The following BFAR variants were observed in gnomAD, a reference collection of about 807,000 sequenced individuals.
The protein encoded by BFAR is bifunctional apoptosis regulator, also known as RING finger protein 47.
BFAR carries 52 observed loss-of-function variants against 54.4 expected under a neutral mutation model. The observed-to-expected ratio is 0.96, with a 90% CI of 0.77 to 1.21. BFAR has a LOEUF of 1.21. Ranked by LOEUF, BFAR falls within the 50% of genes most tolerant of loss-of-function variation. The pLI, the probability that BFAR is intolerant of heterozygous loss-of-function variation, is 0.00. For missense variants in BFAR, 571 were observed against 534.0 expected, an observed-to-expected ratio of 1.07 and a Z score of -0.68; for synonymous variants, 215 against 204.3, an observed-to-expected ratio of 1.05 and a Z score of -0.45.
Position 14,644,292 on chromosome 16 carries a change from C to T in BFAR, c.-55C>T. ...TTTCTAGATTAATGATGTTTTGCAG[C>T]AGTTTTCTACGTCTGAAATTTTTTA... On this transcript the variant is annotated 5_prime_UTR_variant, in exon 2 of 8. The change creates a premature stop within an existing upstream ORF in the 5' untranslated region. Transcript: ENST00000261658. The T allele has an allele frequency of 6.6e-7, 1 of 1,524,120 alleles. No homozygotes were observed. Among genetic ancestry groups the T allele is most frequent in the South Asian group, 1.2e-5 (1 of 83,930 alleles). 94.4% of individuals were successfully genotyped at this position (1,524,120 alleles called of 1,614,324 possible).
chr16:14,639,070 CAG>C (rs1596964758), intron 1 of BFAR, among the ~76,000 whole-genome samples: 1 of 152,052 alleles, frequency 6.6e-6, no homozygotes, highest in African/African-American at 2.4e-5. Flanking sequence ...AAGAAGCAAA[CAG>C]GGTGCCACTG....
At chr16:14,665,298 C>A in intron 7 of BFAR, 9 of 520,212 alleles carry the variant, frequency 1.7e-5, no homozygotes, top group Admixed American at 3.4e-5. Context: ...TATGTCTTAT[C>A]TCTATGCAAT....
intron 6 of BFAR, among the ~76,000 whole-genome samples, chr16:14,664,593 G>A (rs996481850): frequency 3.3e-5 from 5 of 152,052 alleles, no homozygotes; most frequent in East Asian, 1.9e-4. Context: ...TGCACATCCC[G>A]GGTTCAAGTG....
intron 1 of BFAR, among the ~76,000 whole-genome samples, chr16:14,638,241 G>A (rs1031306303): frequency 1.3e-5 from 2 of 152,110 alleles, no homozygotes; most frequent in Non-Finnish European, 2.9e-5. Flanking sequence ...TAATTAGCTG[G>A]GTGTGGTGGC....
At chr16:14,648,297 T>C in intron 2 of BFAR, 91 bp from the exon 3 acceptor site, 8 of 964,022 alleles carry the variant, frequency 8.3e-6, no homozygotes, top group Non-Finnish European at 1.3e-5. Flanking sequence ...AGCTATATAT[T>C]ATTAGATGTT....
chr16:14,653,216 A>G (rs1262969118), intron 4 of BFAR, among the ~76,000 whole-genome samples: 2 of 152,164 alleles, frequency 1.3e-5, no homozygotes, highest in African/African-American at 2.4e-5. Context: ...TACACCACTC[A>G]ACCAGTAGTT....
chr16:14,634,785 G>T (rs543254516), intron 1 of BFAR, among the ~76,000 whole-genome samples: 2 of 152,320 alleles, frequency 1.3e-5, no homozygotes, highest in Admixed American at 6.5e-5. Context: ...TTGGAACCCA[G>T]ATCAGTGTCA....
At chr16:14,646,944 T>C (rs1490057469) in intron 2 of BFAR, among the ~76,000 whole-genome samples, 2 of 152,238 alleles carry the variant, frequency 1.3e-5, no homozygotes, top group South Asian at 2.1e-4. Flanking sequence ...TAAATACTTT[T>C]TTTTAACTTT....
chr16:14,662,085 G>C lies in BFAR; in HGVS notation c.957+20G>C. 6 of 1,612,962 alleles carry C rather than the reference G, an allele frequency of 3.7e-6. No homozygotes were observed. Among genetic ancestry groups the C allele is most frequent in the Non-Finnish European group, 5.1e-6 (6 of 1,179,146 alleles). Reference sequence around the variant, plus strand: ...CTTCTGGTAGGTCTGCACAGTGCCTGGAATAAAGTTATTCCACTGTCAAGT... The same window carrying C: ...CTTCTGGTAGGTCTGCACAGTGCCTCGAATAAAGTTATTCCACTGTCAAGT... On this transcript the variant is annotated intron_variant, in intron 6 of 7. Coordinates refer to ENST00000261658, the MANE Select transcript of BFAR (RefSeq NM_016561.3).
chr16:14,639,141 C>G (rs1219626295), intron 1 of BFAR, among the ~76,000 whole-genome samples: 2 of 152,020 alleles, frequency 1.3e-5, no homozygotes, highest in Non-Finnish European at 2.9e-5. Flanking sequence ...TTCACCAACT[C>G]AGAAAAACAA....
chr16:14,659,927 G>A (rs1464574757), intron 5 of BFAR, among the ~76,000 whole-genome samples: 1 of 152,128 alleles, frequency 6.6e-6, no homozygotes, highest in African/African-American at 2.4e-5. Context: ...AAATCTAACA[G>A]TAAGTTATTC....
chr16:14,652,443 G>T (rs1367847137), intron 4 of BFAR, among the ~76,000 whole-genome samples: 1 of 151,412 alleles, frequency 6.6e-6, no homozygotes, highest in Admixed American at 6.6e-5. Flanking sequence ...ATCATGCGTG[G>T]CTAATTTTTG....
At chr16:14,654,098 G>A (rs1328930094) in intron 4 of BFAR, among the ~76,000 whole-genome samples, 2 of 137,256 alleles carry the variant, frequency 1.5e-5, no homozygotes, top group Admixed American at 8.2e-5. Context: ...TGCAAGCTCC[G>A]CCTTCCGGGT....
chr16:14,664,157 C>T (rs1032647643), intron 6 of BFAR, among the ~76,000 whole-genome samples: 5 of 151,988 alleles, frequency 3.3e-5, no homozygotes, highest in South Asian at 2.1e-4. Context: ...TGGATGGTAG[C>T]GAGACAAGAT....
intron 1 of BFAR, among the ~76,000 whole-genome samples, chr16:14,641,014 C>G (rs778519292): frequency 6.6e-6 from 1 of 152,210 alleles, no homozygotes; most frequent in African/African-American, 2.4e-5. Flanking sequence ...CTCTTCAGTT[C>G]TAAGGTGTTC....
chr16:14,644,152 G>C, intron 1 of BFAR, 122 bp from the exon 2 acceptor site: 1 of 612,014 alleles, frequency 1.6e-6, no homozygotes. Context: ...CAGAGAGCAA[G>C]ACTGTGTCTC....
At chr16:14,665,915 A>G (rs575941710) in intron 7 of BFAR, among the ~76,000 whole-genome samples, 1 of 152,258 alleles carries the variant, frequency 6.6e-6, no homozygotes, top group Non-Finnish European at 1.5e-5. Flanking sequence ...TCTGTAACCA[A>G]CTAGGATAAT....
chr16:14,645,757 T>G (rs896404853), intron 2 of BFAR, among the ~76,000 whole-genome samples: 2 of 152,254 alleles, frequency 1.3e-5, no homozygotes, highest in African/African-American at 4.8e-5. Flanking sequence ...CCCTACAATT[T>G]AAGCTGACAG....
intron 5 of BFAR, among the ~76,000 whole-genome samples, chr16:14,659,425 G>T (rs1241638384): frequency 1.3e-5 from 2 of 150,182 alleles, no homozygotes; most frequent in Non-Finnish European, 2.9e-5. Flanking sequence ...TGTATTTTTA[G>T]TCGAGACAGG....
Sources: allele counts gnomAD v4.1 joint callset (sites outside exome capture counted in the v4.1 genomes callset), GRCh38; gene constraint gnomAD v4.1.1; transcripts MANE v1.5; gene names NCBI Gene and HGNC (gene_info 2026-07-23, HGNC 2026-07-21).